The following DOCK3 variants were observed in gnomAD, a reference collection of about 807,000 sequenced individuals.
DOCK3 encodes the protein dedicator of cytokinesis protein 3.
In DOCK3, 60 loss-of-function variants were observed where a neutral mutation model predicts 265.6. The ratio of observed to expected loss-of-function variants is 0.23; its 90% confidence interval spans 0.18 to 0.28. DOCK3 has a LOEUF of 0.28. DOCK3 is among the 10% of genes least tolerant of loss of function. The pLI is 1.00. For missense variants in DOCK3, 1,981 were observed against 2,594.3 expected (o/e 0.76, Z 5.14); for synonymous variants, 881 against 938.0 (o/e 0.94, Z 1.11).
At chr3:51,097,612 A>G (rs1476587565) in intron 9 of DOCK3, among the ~76,000 whole-genome samples, 2 of 152,180 alleles carry the variant, frequency 1.3e-5, no homozygotes, top group Non-Finnish European at 2.9e-5. Flanking sequence ...CAGGAGAGTG[A>G]ACGGTTCTGT....
At chr3:50,978,746 C>T (rs1339342632) in intron 5 of DOCK3, among the ~76,000 whole-genome samples, 2 of 152,158 alleles carry the variant, frequency 1.3e-5, no homozygotes, top group East Asian at 1.9e-4. Flanking sequence ...CCCCCAGCCT[C>T]GCTGCCGCCT....
At chr3:51,108,900 C>G (rs2083399425) in intron 9 of DOCK3, among the ~76,000 whole-genome samples, 1 of 152,144 alleles carries the variant, frequency 6.6e-6, no homozygotes, top group Non-Finnish European at 1.5e-5. Context: ...TCTTAGAGAC[C>G]TTCAAAGAAA....
intron 5 of DOCK3, among the ~76,000 whole-genome samples, chr3:50,955,452 A>T (rs921504616): frequency 6.6e-6 from 1 of 152,224 alleles, no homozygotes; most frequent in Admixed American, 6.5e-5. Context: ...CATCAATGAC[A>T]GACTGGATCA....
At chr3:50,830,537 G>A (rs2045079940) in intron 2 of DOCK3, among the ~76,000 whole-genome samples, 1 of 151,964 alleles carries the variant, frequency 6.6e-6, no homozygotes, top group South Asian at 2.1e-4. Context: ...TTTTTTTGTT[G>A]GACTGCATTT....
At chr3:50,969,941 G>T (rs752743697) in intron 5 of DOCK3, among the ~76,000 whole-genome samples, 1 of 152,046 alleles carries the variant, frequency 6.6e-6, no homozygotes, top group Non-Finnish European at 1.5e-5. Context: ...GCATGGTGGC[G>T]GGCGCCTGTA....
intron 5 of DOCK3, among the ~76,000 whole-genome samples, chr3:51,005,619 A>G (rs551352810): frequency 1.9e-4 from 29 of 152,302 alleles, no homozygotes; most frequent in African/African-American, 6.0e-4. Flanking sequence ...GACATCTGGA[A>G]TTTCTCATAC....
At chr3:50,841,539 A>G in intron 2 of DOCK3, 136 bp from the exon 3 acceptor site, 1 of 310,738 alleles carries the variant, frequency 3.2e-6, no homozygotes, top group Non-Finnish European at 6.4e-6. Context: ...TGCTATGACA[A>G]CTCTAGATCC....
At chr3:50,757,752 G>C (rs927446964) in intron 1 of DOCK3, among the ~76,000 whole-genome samples, 1 of 151,748 alleles carries the variant, frequency 6.6e-6, no homozygotes, top group Admixed American at 6.6e-5. Flanking sequence ...CTTACATTTA[G>C]GTTTAAACTT....
chr3:51,182,969 TTATACTAATCCTGGC>T (rs1237290808), intron 12 of DOCK3, among the ~76,000 whole-genome samples: 1 of 152,232 alleles, frequency 6.6e-6, no homozygotes, highest in Non-Finnish European at 1.5e-5. Flanking sequence ...AGTACAGTTT[TTATACTAATCCTGGC>T]TCACAGACAA....
At chr3:51,377,761 C>T (rs1378966476) in intron 51 of DOCK3, among the ~76,000 whole-genome samples, 1 of 152,182 alleles carries the variant, frequency 6.6e-6, no homozygotes, top group Non-Finnish European at 1.5e-5. Context: ...CCATTAAAGC[C>T]CTGTAAGCCT....
chr3:51,208,626 G>T, intron 12 of DOCK3, 148 bp from the exon 13 acceptor site: 1 of 618,134 alleles, frequency 1.6e-6, no homozygotes, highest in South Asian at 2.6e-5. Context: ...AATAGGAAAT[G>T]AGCCTTGTTT....
intron 35 of DOCK3, among the ~76,000 whole-genome samples, chr3:51,335,387 T>C (rs1006575115): frequency 1.3e-5 from 2 of 152,244 alleles, no homozygotes; most frequent in Non-Finnish European, 2.9e-5. Flanking sequence ...CAGGTTTCTC[T>C]GTATGCTGTG....
chr3:50,677,833 G>A (rs2034096613), intron 1 of DOCK3, among the ~76,000 whole-genome samples: 1 of 152,200 alleles, frequency 6.6e-6, no homozygotes, highest in Non-Finnish European at 1.5e-5. Context: ...GTTATAACAT[G>A]ACTGAATTGT....
rs1490813108 is a variant in DOCK3, at chr3:51,338,434, G to A, written c.3672+15G>A. 2 of 1,551,744 alleles carry A rather than the reference G, an allele frequency of 1.3e-6. No individual in the cohort carries two copies. Among genetic ancestry groups the A allele is most frequent in the Non-Finnish European group, 1.7e-6 (2 of 1,147,026 alleles). Reference sequence around the variant, plus strand: ...TTAACCTGATGGTGAGAGGACATGGGCCCTGACTTCTCTCTGCCTACTGAA... The same window carrying A: ...TTAACCTGATGGTGAGAGGACATGGACCCTGACTTCTCTCTGCCTACTGAA... On this transcript the variant is annotated intron_variant, in intron 36 of 52. Transcript: ENST00000266037.
chr3:51,312,802 C>T lies in DOCK3; in HGVS notation c.3195-42C>T, dbSNP rs746127020. The T allele has an allele frequency of 1.6e-5, 25 of 1,583,576 alleles. No homozygotes were observed. In the Middle Eastern group the frequency reaches 2.5e-3, roughly 158 times the overall value. ...GGGTTTGCAGCCCTATCCTCCTGAA[C>T]CTTCTCCCACTAACGGTTGGCTCCT... On this transcript the variant is annotated intron_variant, in intron 30 of 52. Coordinates refer to ENST00000266037, the MANE Select transcript of DOCK3 (RefSeq NM_004947.5).
At chr3:50,957,916 A>T (rs1406348458) in intron 5 of DOCK3, among the ~76,000 whole-genome samples, 3 of 152,170 alleles carry the variant, frequency 2.0e-5, no homozygotes, top group African/African-American at 7.2e-5. Flanking sequence ...TCCCTAGTTT[A>T]TTCTATTTTT....
In DOCK3 at chr3:51,194,967, G is replaced by A. The variant is rs556053068; in HGVS notation, c.1038-13807G>A. On this transcript the variant is annotated intron_variant, in intron 12 of 52. Transcript: ENST00000266037. ...AGCCTCCCAAGTAGCTGGGACTACA[G>A]GCATGTGCCACCACACCCAGCTAAT... Among the ~76,000 whole-genome samples the A allele has an allele frequency of 3.3e-5, 5 of 151,906 alleles. No individual in the cohort carries two copies. In the South Asian group the frequency reaches 1.0e-3, roughly 32 times the overall value.
intron 9 of DOCK3, among the ~76,000 whole-genome samples, chr3:51,108,224 C>T (rs1025675497): frequency 6.6e-5 from 10 of 151,732 alleles, no homozygotes; most frequent in Admixed American, 6.6e-4. Context: ...CAGGGTTTTG[C>T]CATGCTGGTA....
chr3:50,884,926 T>G (rs2048250206), intron 3 of DOCK3, among the ~76,000 whole-genome samples: 2 of 152,312 alleles, frequency 1.3e-5, no homozygotes, highest in Non-Finnish European at 2.9e-5. Flanking sequence ...TAGGGTTTAC[T>G]CTTTGTGTTG....
Sources: allele counts gnomAD v4.1 joint callset (sites outside exome capture counted in the v4.1 genomes callset), GRCh38; gene constraint gnomAD v4.1.1; transcripts MANE v1.5; gene names NCBI Gene and HGNC (gene_info 2026-07-23, HGNC 2026-07-21).